EFR3A: variants seen among roughly 807,000 people sequenced by gnomAD.
EFR3A encodes the protein EFR3 homolog A.
In EFR3A, 76 loss-of-function variants were observed where a neutral mutation model predicts 104.4. That is an observed-to-expected ratio of 0.73 (90% CI 0.60 to 0.88). EFR3A has a LOEUF of 0.88. Among genes scored for constraint, EFR3A ranks in the 40% least tolerant of loss-of-function variants. The pLI is 0.00. For synonymous variants in EFR3A, 330 were observed against 330.0 expected (o/e 1.00, Z 0.00); for missense variants, 985 against 1,012.5 (o/e 0.97, Z 0.37).
At chr8:131,968,570 G>A (rs1162283602) in intron 9 of EFR3A, 140 bp downstream of exon 9, 2 of 839,054 alleles carry the variant, frequency 2.4e-6, no homozygotes, top group Non-Finnish European at 1.7e-6. Flanking sequence ...TTGAAATTTG[G>A]GTTCATGCAA....
chr8:131,922,884 A>T lies in EFR3A; in HGVS notation c.11-17615A>T, dbSNP rs567986059. Among the ~76,000 whole-genome samples the T allele has an allele frequency of 1.8e-3, 279 of 152,162 alleles. 2 individuals are homozygous for T. Among genetic ancestry groups the T allele is most frequent in the African/African-American group, 6.5e-3 (271 of 41,536 alleles). On this transcript the variant is annotated intron_variant, in intron 1 of 22. Coordinates refer to ENST00000254624, the MANE Select transcript of EFR3A (RefSeq NM_015137.6). ...CATAAGTTGTATTTAAAATTGTTGA[A>T]CTTTCTGTTTTATAACTTACAGTAG...
chr8:131,943,928 C>G (rs939748094), intron 2 of EFR3A, among the ~76,000 whole-genome samples: 1 of 151,994 alleles, frequency 6.6e-6, no homozygotes, highest in Admixed American at 6.6e-5. Context: ...TTGAGGAAAA[C>G]GGAGTAGGTA....
intron 1 of EFR3A, among the ~76,000 whole-genome samples, chr8:131,934,694 A>G (rs10956621): frequency 0.34 from 50,926 of 151,538 alleles, 8,934 homozygotes; most frequent in East Asian, 0.61. Flanking sequence ...GTGTGTGTGT[A>G]TATTGCTCTT....
At chr8:131,979,219 G>C in intron 13 of EFR3A, 127 bp from the exon 14 acceptor site, 1 of 946,408 alleles carries the variant, frequency 1.1e-6, no homozygotes. Context: ...CTCTTCAGAA[G>C]CAATTCAGTA....
At chr8:131,996,660 T>C (rs1284765050) in intron 19 of EFR3A, among the ~76,000 whole-genome samples, 163 bp downstream of exon 19, 1 of 152,124 alleles carries the variant, frequency 6.6e-6, no homozygotes, top group Non-Finnish European at 1.5e-5. Context: ...TTGAATTTAT[T>C]TATAATTTAT....
chr8:131,988,295 T>TGG (rs1821001875), intron 18 of EFR3A, among the ~76,000 whole-genome samples: 4 of 152,166 alleles, frequency 2.6e-5, no homozygotes, highest in Non-Finnish European at 5.9e-5. Context: ...TTATGTCTTA[T>TGG]GCTTTCATTT....
chr8:131,956,458 G>T (rs937786536), intron 7 of EFR3A, among the ~76,000 whole-genome samples: 1 of 152,120 alleles, frequency 6.6e-6, no homozygotes, highest in African/African-American at 2.4e-5. Context: ...CATAGATATG[G>T]TCTCTCAAGC....
At chr8:131,916,309 G>T (rs1816743633) in intron 1 of EFR3A, among the ~76,000 whole-genome samples, 2 of 152,196 alleles carry the variant, frequency 1.3e-5, no homozygotes, top group Non-Finnish European at 1.5e-5. Context: ...GTGAACAAAT[G>T]TGAACACTTT....
chr8:131,917,284 T>G (rs1041471152), intron 1 of EFR3A, among the ~76,000 whole-genome samples: 14 of 152,230 alleles, frequency 9.2e-5, no homozygotes, highest in Admixed American at 2.6e-4. Context: ...TAAGATTTCT[T>G]TCCCCTTATA....
intron 2 of EFR3A, 22 bp from the exon 3 acceptor site, chr8:131,944,723 T>C: frequency 6.5e-7 from 1 of 1,539,284 alleles, no homozygotes; most frequent in Non-Finnish European, 8.8e-7. Context: ...AGATAATCTA[T>C]TTATCTTGTT....
intron 2 of EFR3A, among the ~76,000 whole-genome samples, chr8:131,943,991 A>G (rs759660634): frequency 2.6e-5 from 4 of 152,108 alleles, no homozygotes; most frequent in African/African-American, 7.2e-5. Flanking sequence ...GCCAAAGAAC[A>G]TTGAGGGACC....
Position 131,914,114 on chromosome 8 carries a change from A to G in EFR3A, c.10+9792A>G, listed in dbSNP as rs929320107. On this transcript the variant is annotated intron_variant, in intron 1 of 22. Transcript: ENST00000254624. ...GCATTATCATCCCACCATCTGCTGCAGCTGGCTCTAGAAGGGCATCTACAG... is the reference window on the plus strand; with the variant it reads ...GCATTATCATCCCACCATCTGCTGCGGCTGGCTCTAGAAGGGCATCTACAG... Among the ~76,000 whole-genome samples, 23 of 152,216 alleles carry G rather than the reference A, an allele frequency of 1.5e-4. 1 individual carries two copies. Among genetic ancestry groups the G allele is most frequent in the African/African-American group, 5.5e-4 (23 of 41,446 alleles).
At chr8:131,986,718 G>A (rs1241832399) in intron 17 of EFR3A, among the ~76,000 whole-genome samples, 5 of 150,236 alleles carry the variant, frequency 3.3e-5, no homozygotes, top group African/African-American at 1.2e-4. Flanking sequence ...CCAGGAGGTG[G>A]AGGTTGCAGT....
At chr8:131,953,732 G>A (rs77421091) in intron 5 of EFR3A, 86 bp from the exon 6 acceptor site, 16,682 of 1,172,198 alleles carry the variant, frequency 0.014, 173 homozygotes, top group African/African-American at 0.045. Flanking sequence ...GTATTTACTT[G>A]ATATCCATTC....
rs768168045 is a variant in EFR3A at position 131,985,102 on chromosome 8, A to G, written c.1869+42A>G. ...AGTCCTTAAACTTGAATTTTGTACAAAATTGCTAATTTTATTCCAGTGATG... is the reference window on the plus strand; with the variant it reads ...AGTCCTTAAACTTGAATTTTGTACAGAATTGCTAATTTTATTCCAGTGATG... On this transcript the variant is annotated intron_variant, in intron 16 of 22. Coordinates refer to ENST00000254624, the MANE Select transcript of EFR3A (RefSeq NM_015137.6). 1.6e-5 allele frequency: 25 copies of G among 1,561,590 alleles called. No homozygotes were observed. The Admixed American group carries it at 3.9e-4, about 24-fold the overall frequency.
chr8:132,001,734 G>T (rs373951430), intron 19 of EFR3A, 25 bp from the exon 20 acceptor site: 2 of 1,605,690 alleles, frequency 1.2e-6, no homozygotes, highest in African/African-American at 1.3e-5. Flanking sequence ...TTTAACTCTC[G>T]ATTTCACTTA....
intron 10 of EFR3A, among the ~76,000 whole-genome samples, chr8:131,971,898 C>T (rs775915983): frequency 6.6e-6 from 1 of 152,110 alleles, no homozygotes; most frequent in African/African-American, 2.4e-5. Context: ...TGAGAAGACA[C>T]TTTCAGATCA....
intron 8 of EFR3A, among the ~76,000 whole-genome samples, chr8:131,966,685 A>G (rs1819755597): frequency 6.6e-6 from 1 of 152,148 alleles, no homozygotes; most frequent in Non-Finnish European, 1.5e-5. Flanking sequence ...CTATTAAATG[A>G]TAGTCAGAAT....
chr8:131,961,509 G>GA (rs1274154906), intron 8 of EFR3A, among the ~76,000 whole-genome samples: 2 of 152,112 alleles, frequency 1.3e-5, no homozygotes, highest in Non-Finnish European at 2.9e-5. Context: ...GAAGTTTAGA[G>GA]AAAAAAGAAT....
Sources: allele counts gnomAD v4.1 joint callset (sites outside exome capture counted in the v4.1 genomes callset), GRCh38; gene constraint gnomAD v4.1.1; transcripts MANE v1.5; gene names NCBI Gene and HGNC (gene_info 2026-07-23, HGNC 2026-07-21).